CXCL17: variants seen among roughly 807,000 people sequenced by gnomAD.
CXCL17 encodes C-X-C motif chemokine 17.
CXCL17 carries 9 observed loss-of-function variants against 15.5 expected under a neutral mutation model. That is an observed-to-expected ratio of 0.58 (90% CI 0.35 to 1.01). CXCL17 has a LOEUF of 1.01. CXCL17 is among the 50% of genes least tolerant of loss of function. CXCL17 has a pLI of 0.02. For missense variants in CXCL17, 133 were observed against 138.2 expected, an observed-to-expected ratio of 0.96 and a Z score of 0.19; for synonymous variants, 52 against 52.3, an observed-to-expected ratio of 0.99 and a Z score of 0.02.
At chr19:42,430,779 T>C (rs1294395188) in intron 3 of CXCL17, among the ~76,000 whole-genome samples, 2 of 152,190 alleles carry the variant, frequency 1.3e-5, no homozygotes, top group African/African-American at 4.8e-5. Context: ...AGTTTATTTT[T>C]TCTCATTTTT....
intron 3 of CXCL17, among the ~76,000 whole-genome samples, chr19:42,432,141 G>GTT (rs370344388): frequency 0.032 from 3,455 of 108,576 alleles, 398 homozygotes; most frequent in African/African-American, 0.11. Context: ...TGCCAATTTA[G>GTT]TTTTTTTTTT....
At chr19:42,439,191 C>T (rs535392914) in intron 1 of CXCL17, among the ~76,000 whole-genome samples, 8 of 137,168 alleles carry the variant, frequency 5.8e-5, no homozygotes, top group East Asian at 2.3e-4. Flanking sequence ...AAGGTGGAGG[C>T]GGCAGTGAGC....
intron 3 of CXCL17, among the ~76,000 whole-genome samples, chr19:42,432,141 GTTTT>G (rs370344388): frequency 1.2e-4 from 13 of 108,612 alleles, no homozygotes; most frequent in African/African-American, 4.8e-4. Context: ...TGCCAATTTA[GTTTT>G]TTTTTTTTTT....
intron 1 of CXCL17, among the ~76,000 whole-genome samples, chr19:42,436,330 A>G (rs981674721): frequency 1.3e-5 from 2 of 152,242 alleles, no homozygotes; most frequent in Non-Finnish European, 2.9e-5. Flanking sequence ...GTGTTATCAA[A>G]GTAATTTAAG....
chr19:42,433,430 T>G (rs1423212044), intron 2 of CXCL17, among the ~76,000 whole-genome samples: 4 of 152,162 alleles, frequency 2.6e-5, no homozygotes, highest in African/African-American at 9.7e-5. Context: ...CTGCTTTCAG[T>G]CTTGCCTGTG....
At chr19:42,441,814 G>A (rs921964964) in intron 1 of CXCL17, among the ~76,000 whole-genome samples, 1 of 152,204 alleles carries the variant, frequency 6.6e-6, no homozygotes, top group African/African-American at 2.4e-5. Context: ...CCACTTTATA[G>A]TGAAAGCTGG....
chr19:42,436,735 A>G (rs959696038), intron 1 of CXCL17, among the ~76,000 whole-genome samples: 38 of 152,150 alleles, frequency 2.5e-4, no homozygotes, highest in Admixed American at 1.3e-4. Context: ...ATGTGTTCCA[A>G]ATTATTTAAC....
At chr19:42,433,111 G>A in intron 2 of CXCL17, 34 bp from the exon 3 acceptor site, 8 of 1,471,516 alleles carry the variant, frequency 5.4e-6, no homozygotes, top group Non-Finnish European at 7.6e-6. Flanking sequence ...AGATGGGAGA[G>A]TTAATACATT....
At chr19:42,436,061 C>G (rs996234221) in intron 1 of CXCL17, among the ~76,000 whole-genome samples, 3 of 149,090 alleles carry the variant, frequency 2.0e-5, no homozygotes, top group African/African-American at 7.8e-5. Flanking sequence ...TCCTAGCAAA[C>G]TAAAATAAAA....
At chr19:42,438,633 G>A (rs1176241951) in intron 1 of CXCL17, among the ~76,000 whole-genome samples, 1 of 151,776 alleles carries the variant, frequency 6.6e-6, no homozygotes, top group African/African-American at 2.4e-5. Context: ...GCACCTACTA[G>A]CAATGGACCT....
intron 1 of CXCL17, among the ~76,000 whole-genome samples, chr19:42,442,250 T>C (rs2040900581): frequency 7.3e-6 from 1 of 136,422 alleles, no homozygotes; most frequent in African/African-American, 2.9e-5. Context: ...TTTTTTTTTT[T>C]TGAGATGGAG....
intron 1 of CXCL17, among the ~76,000 whole-genome samples, chr19:42,436,428 A>G (rs16975764): frequency 0.01 from 1,587 of 152,228 alleles, 30 homozygotes; most frequent in African/African-American, 0.035. Flanking sequence ...ACCACAGAAT[A>G]TTAGACCTTG....
intron 1 of CXCL17, among the ~76,000 whole-genome samples, chr19:42,439,910 A>G (rs2040874948): frequency 6.6e-6 from 1 of 152,202 alleles, no homozygotes; most frequent in Admixed American, 6.5e-5. Context: ...CATGAGTGGG[A>G]TGATTAGCAA....
At position 42,428,328 on chromosome 19, in the gene CXCL17, G is replaced by T. The variant is rs2040737581; in HGVS notation, c.*556C>A. 1 of 148,488 alleles carries T rather than the reference G, an allele frequency of 6.7e-6. No homozygotes were observed. Among genetic ancestry groups the T allele is most frequent in the Admixed American group, 6.9e-5 (1 of 14,534 alleles). 9.2% of individuals were successfully genotyped at this position (148,488 alleles called of 1,614,324 possible). ...TTAATAAGACCGTGTCTGGTTCATT[G>T]GTATGCTTTTTTTTTTTTGTCCCAC... On this transcript the variant is annotated 3_prime_UTR_variant, in exon 4 of 4. Coordinates refer to ENST00000601181, the MANE Select transcript of CXCL17 (RefSeq NM_198477.3).
chr19:42,431,627 T>C (rs1193856206), intron 3 of CXCL17, among the ~76,000 whole-genome samples: 1 of 151,516 alleles, frequency 6.6e-6, no homozygotes, highest in African/African-American at 2.4e-5. Flanking sequence ...TTTTTTTCAT[T>C]AATATATTGT....
intron 1 of CXCL17, among the ~76,000 whole-genome samples, chr19:42,441,479 T>TG (rs1363506665): frequency 5.3e-5 from 8 of 152,114 alleles, no homozygotes; most frequent in African/African-American, 1.9e-4. Context: ...AAAGGCAGGT[T>TG]GGGGCTACAG....
At position 42,428,760 on chromosome 19, in the gene CXCL17, A is replaced by T. The variant is rs142512005; in HGVS notation, c.*124T>A. 2 of 739,148 alleles carry T rather than the reference A, an allele frequency of 2.7e-6. No individual in the cohort carries two copies. Among genetic ancestry groups the T allele is most frequent in the Admixed American group, 4.1e-5 (2 of 48,532 alleles). 45.8% of individuals were successfully genotyped at this position (739,148 alleles called of 1,614,324 possible). A position where few individuals can be genotyped will look rare whatever the true frequency, so the allele number is the denominator to read the frequency against. The stretch of plus-strand genomic sequence containing the variant: ...CTTGAAAAACATGCTTTTTGAGAGC[A>T]CTGGAATGATTTAGGGGTGGGTACA... On this transcript the variant is annotated 3_prime_UTR_variant, in exon 4 of 4. Coordinates refer to ENST00000601181, the MANE Select transcript of CXCL17 (RefSeq NM_198477.3).
rs563771071 is a variant in CXCL17 at position 42,437,743 on chromosome 19, A to G, written c.80-3887T>C. ...TGGCTTTCTGCTGATGTGGATGTGT[A>G]AAGAAGTTACTTCCACTTGTTAGGA... is the stretch of plus-strand genomic sequence containing the variant. On this transcript the variant is annotated intron_variant, in intron 1 of 3. Coordinates refer to ENST00000601181, the MANE Select transcript of CXCL17 (RefSeq NM_198477.3). 8.5e-5 allele frequency among the ~76,000 whole-genome samples: 13 copies of G among 152,326 alleles called. No homozygotes were observed. The South Asian group carries it at 2.7e-3, about 32-fold the overall frequency.
At chr19:42,438,406 A>ATAT (rs1491327567) in intron 1 of CXCL17, among the ~76,000 whole-genome samples, 13 of 107,096 alleles carry the variant, frequency 1.2e-4, no homozygotes, top group African/African-American at 5.6e-4. Context: ...ATATATATAT[A>ATAT]AAATACACAC....
Sources: gnomAD v4.1 joint callset for allele counts (sites outside exome capture counted in the v4.1 genomes callset) on GRCh38, gnomAD v4.1.1 for gene constraint, MANE v1.5 for transcripts, NCBI Gene and HGNC (gene_info 2026-07-23, HGNC 2026-07-21) for gene names.